Variants in NEMP2 observed in about 807,000 individuals in gnomAD.
NEMP2 encodes the protein UPF0571 transmembrane protein.
Under a neutral mutation model 54.2 loss-of-function variants are expected in NEMP2, and 53 were observed. The observed-to-expected ratio is 0.98, with a 90% CI of 0.78 to 1.23. The LOEUF is 1.23. Among genes scored for constraint, NEMP2 ranks in the 50% most tolerant of loss-of-function variants. The pLI, the probability that NEMP2 is intolerant of heterozygous loss-of-function variation, is 0.00. For synonymous variants in NEMP2, 197 were observed against 190.3 expected, an observed-to-expected ratio of 1.04 and a Z score of -0.29; for missense variants, 455 against 511.3, an observed-to-expected ratio of 0.89 and a Z score of 1.06.
the NEMP2 span, among the ~76,000 whole-genome samples, chr2:190,615,489 C>T: frequency 3.3e-5 from 5 of 152,174 alleles, no homozygotes; most frequent in Non-Finnish European, 5.9e-5. This position sits in a 1 kb window ranked among gnomAD's most constrained non-coding sequence, Gnocchi z 4.7. Context: ...TCTGGTGTGC[C>T]GGCCTCCCTG....
chr2:190,625,070 G>A, the NEMP2 span: 1 of 152,294 alleles, frequency 6.6e-6, no homozygotes, highest in Admixed American at 6.5e-5. Context: ...GTTAACCATG[G>A]AGTTGCCATA....
the NEMP2 span, among the ~76,000 whole-genome samples, chr2:190,475,577 G>C: frequency 1.3e-5 from 2 of 152,132 alleles, no homozygotes; most frequent in Admixed American, 1.3e-4. Flanking sequence ...CAAACAAATG[G>C]AAGAACATTC....
chr2:190,432,840 A>ACTCT, the NEMP2 span, among the ~76,000 whole-genome samples: 2 of 136,960 alleles, frequency 1.5e-5, no homozygotes, highest in Non-Finnish European at 3.2e-5. Context: ...ACACACACAC[A>ACTCT]CTCTCTCTCT....
At chr2:190,589,550 G>A in the NEMP2 span, among the ~76,000 whole-genome samples, 1 of 152,126 alleles carries the variant, frequency 6.6e-6, no homozygotes, top group Non-Finnish European at 1.5e-5. This position sits in a 1 kb window ranked among gnomAD's most constrained non-coding sequence, Gnocchi z 4.3. Context: ...ACTGCCAACT[G>A]AAGCAATGTC....
chr2:190,438,747 C>A, the NEMP2 span, among the ~76,000 whole-genome samples: 1 of 152,204 alleles, frequency 6.6e-6, no homozygotes, highest in Non-Finnish European at 1.5e-5. This position sits in a 1 kb window ranked among gnomAD's most constrained non-coding sequence, Gnocchi z 5.2. Flanking sequence ...TTTAAATCTG[C>A]TATTTCTATA....
the NEMP2 span, among the ~76,000 whole-genome samples, chr2:190,606,344 G>C: frequency 6.6e-6 from 1 of 152,200 alleles, no homozygotes; most frequent in African/African-American, 2.4e-5. Flanking sequence ...TCCTGGCCAA[G>C]TTCACTTGTC....
At chr2:190,602,572 A>G in the NEMP2 span, among the ~76,000 whole-genome samples, 146 of 152,330 alleles carry the variant, frequency 9.6e-4, 1 homozygote, top group African/African-American at 3.4e-3. Context: ...GTTAACCACG[A>G]CAGGTTGAGT....
At chr2:190,608,770 T>C in the NEMP2 span, 1 of 152,210 alleles carries the variant, frequency 6.6e-6, no homozygotes. The surrounding 1 kb of genome is among the most constrained non-coding windows in gnomAD (Gnocchi z 4.9). Flanking sequence ...AACAATGGGA[T>C]ATTTTGAAGG....
the NEMP2 span, among the ~76,000 whole-genome samples, chr2:190,459,933 G>GCT: frequency 2.0e-5 from 3 of 152,222 alleles, no homozygotes; most frequent in Admixed American, 6.5e-5. This position sits in a 1 kb window ranked among gnomAD's most constrained non-coding sequence, Gnocchi z 5.3. Context: ...TGATTCTTAT[G>GCT]CTCTGTTCTA....
the NEMP2 span, among the ~76,000 whole-genome samples, chr2:190,467,094 A>G: frequency 6.6e-6 from 1 of 152,348 alleles, no homozygotes; most frequent in African/African-American, 2.4e-5. The surrounding 1 kb of genome is among the most constrained non-coding windows in gnomAD (Gnocchi z 5.5). Flanking sequence ...TGTGAACACT[A>G]GGAAAGTGGA....
In NEMP2 at chr2:190,510,901, T is replaced by A. The variant is rs1690341253; in HGVS notation, c.954-364A>T. Among the ~76,000 whole-genome samples the A allele has an allele frequency of 2.0e-5, 3 of 151,940 alleles. No individual in the cohort carries two copies. The highest frequency in any genetic ancestry group is 4.4e-5 in the Non-Finnish European group (3 of 67,976). ...GTCTCAAAAAAAAAAAAAAAAGATT[T>A]ACAAAAATACATTTCTTAGATGGTA... On this transcript the variant is annotated intron_variant, in intron 7 of 8. Transcript: ENST00000409150. This position sits in a 1 kb window ranked among gnomAD's most constrained non-coding sequence, Gnocchi z 5.7.
rs1182673601 is a variant in NEMP2 at position 190,514,084 on chromosome 2, G to A, written c.953+369C>T. ...ATGATTCATTTCTGTTTCCTAATTC[G>A]TATCTCATAAGCACAGCTGATACCA... On this transcript the variant is annotated intron_variant, in intron 7 of 8. Coordinates refer to ENST00000409150, the MANE Select transcript of NEMP2 (RefSeq NM_001142645.2). This position sits in a 1 kb window ranked among gnomAD's most constrained non-coding sequence, Gnocchi z 5.7. 6.6e-6 allele frequency among the ~76,000 whole-genome samples: 1 copy of A among 152,064 alleles called. No individual in the cohort carries two copies. The highest frequency in any genetic ancestry group is 6.5e-5 in the Admixed American group (1 of 15,272).
the NEMP2 span, among the ~76,000 whole-genome samples, chr2:190,573,022 C>G: frequency 1.3e-5 from 2 of 151,312 alleles, no homozygotes; most frequent in East Asian, 3.9e-4. Flanking sequence ...CAATTTGTTC[C>G]CAAAAGAAAA....
the NEMP2 span, among the ~76,000 whole-genome samples, chr2:190,581,233 C>T: frequency 3.3e-5 from 5 of 152,156 alleles, no homozygotes; most frequent in African/African-American, 1.2e-4. Flanking sequence ...CAACATTTCC[C>T]ACTTAATGGC....
chr2:190,605,047 A>G, the NEMP2 span, among the ~76,000 whole-genome samples: 1 of 152,114 alleles, frequency 6.6e-6, no homozygotes, highest in African/African-American at 2.4e-5. Flanking sequence ...CATATCCATA[A>G]ACATAAACAC....
chr2:190,551,792 T>G, the NEMP2 span, among the ~76,000 whole-genome samples: 21 of 152,346 alleles, frequency 1.4e-4, no homozygotes, highest in Admixed American at 3.9e-4. Context: ...TTTGGGTAGC[T>G]TCTCTAACTT....
chr2:190,516,422 T>C, intron 5 of NEMP2, 38 bp from the exon 6 acceptor site: 2 of 1,385,728 alleles, frequency 1.4e-6, no homozygotes, highest in Non-Finnish European at 2.0e-6. Context: ...ATTTTTTGGT[T>C]CATTCACTCT....
chr2:190,483,155 G>A, the NEMP2 span, among the ~76,000 whole-genome samples: 1 of 150,964 alleles, frequency 6.6e-6, no homozygotes, highest in Non-Finnish European at 1.5e-5. Flanking sequence ...GCCTCCCAAA[G>A]TGCTGGGATT....
the NEMP2 span, among the ~76,000 whole-genome samples, chr2:190,613,518 T>C: frequency 6.6e-6 from 1 of 152,202 alleles, no homozygotes; most frequent in Non-Finnish European, 1.5e-5. Flanking sequence ...AGTACAAAGT[T>C]GCTTGATCAA....
Sources: allele counts gnomAD v4.1 joint callset (sites outside exome capture counted in the v4.1 genomes callset), GRCh38; gene constraint gnomAD v4.1.1; non-coding constraint Gnocchi (gnomAD v3.1); transcripts MANE v1.5; gene names NCBI Gene and HGNC (gene_info 2026-07-23, HGNC 2026-07-21).